Variants in PCDHGA2 observed in about 807,000 individuals in gnomAD.
PCDHGA2 encodes protocadherin gamma subfamily A, 2.
PCDHGA2 carries 40 observed loss-of-function variants against 59.2 expected under a neutral mutation model. The observed-to-expected ratio is 0.68, with a 90% CI of 0.52 to 0.88. The LOEUF (loss-of-function observed/expected upper bound fraction) is 0.88. PCDHGA2 is among the 40% of genes least tolerant of loss of function. The pLI is 0.00. For missense variants in PCDHGA2, 1,226 were observed against 1,204.0 expected, an observed-to-expected ratio of 1.02 and a Z score of -0.27; for synonymous variants, 560 against 526.0, an observed-to-expected ratio of 1.06 and a Z score of -0.89.
At chr5:141,456,837 C>G (rs550771859) in intron 1 of PCDHGA2, among the ~76,000 whole-genome samples, 70 of 152,194 alleles carry the variant, frequency 4.6e-4, no homozygotes, top group Non-Finnish European at 8.2e-4. Context: ...GTAGTGGGCG[C>G]CTGTAATCCC....
At chr5:141,341,845 G>T in intron 1 of PCDHGA2, 1 of 185,208 alleles carries the variant, frequency 5.4e-6, no homozygotes, top group Non-Finnish European at 1.1e-5. Flanking sequence ...CATGTTAGTT[G>T]GCTAGTTCTT....
At chr5:141,459,737 A>T (rs2098974670) in intron 1 of PCDHGA2, among the ~76,000 whole-genome samples, 1 of 152,176 alleles carries the variant, frequency 6.6e-6, no homozygotes, top group African/African-American at 2.4e-5. Flanking sequence ...CAATTTTTTA[A>T]ATTTTAGCAA....
At position 141,428,093 on chromosome 5, in the gene PCDHGA2, C is replaced by T. The variant is rs577985465; in HGVS notation, c.2425-66714C>T. On this transcript the variant is annotated intron_variant, in intron 1 of 3. Transcript: ENST00000394576. ...ATTCGGGACACAACGCTTGGCTGTC[C>T]TACCACGTGCTGCAGGCCATCGAGC... 2.4e-4 allele frequency: 380 copies of T among 1,608,880 alleles called. 2 individuals are homozygous for T. The South Asian group carries it at 4.0e-3, about 17-fold the overall frequency.
chr5:141,390,183 T>C (rs532412915), intron 1 of PCDHGA2: 2 of 1,614,034 alleles, frequency 1.2e-6, no homozygotes, highest in Admixed American at 1.7e-5. Context: ...TTTCCTAAAA[T>C]GTAGTGAGCA....
chr5:141,345,506 G>C (rs1402758990), intron 1 of PCDHGA2: 1 of 1,614,108 alleles, frequency 6.2e-7, no homozygotes. Flanking sequence ...CTTATGCATT[G>C]ACCGAGGACA....
intron 1 of PCDHGA2, chr5:141,405,119 C>A: frequency 1.2e-6 from 2 of 1,614,024 alleles, no homozygotes; most frequent in South Asian, 1.1e-5. Context: ...GCACTCCTCG[C>A]ATCTGCTGCG....
chr5:141,357,682 G>T, intron 1 of PCDHGA2: 1 of 1,578,696 alleles, frequency 6.3e-7, no homozygotes, highest in Non-Finnish European at 8.6e-7. Context: ...TTGTGTAAAT[G>T]TCTCTCATTT....
chr5:141,401,712 A>G (rs987480271), intron 1 of PCDHGA2, among the ~76,000 whole-genome samples: 1 of 152,226 alleles, frequency 6.6e-6, no homozygotes, highest in Non-Finnish European at 1.5e-5. Flanking sequence ...TCCATTTTTA[A>G]GACAAAAACT....
In PCDHGA2 at chr5:141,477,028, G is replaced by A. The variant is rs1015508317; in HGVS notation, c.2425-17779G>A. On this transcript the variant is annotated intron_variant, in intron 1 of 3. Coordinates refer to ENST00000394576, the MANE Select transcript of PCDHGA2 (RefSeq NM_018915.4). The surrounding 1 kb of genome is among the most constrained non-coding windows in gnomAD (Gnocchi z 4.9). ...CCTTAGACCTTGTAACCGGGATGCT[G>A]ACAATCAAGGGTCGGCTGGACTTCG... The A allele has an allele frequency of 2.5e-6, 4 of 1,614,146 alleles. No homozygotes were observed. The highest frequency in any genetic ancestry group is 1.7e-5 in the Admixed American group (1 of 60,018).
chr5:141,414,404 T>A, intron 1 of PCDHGA2: 1 of 1,613,886 alleles, frequency 6.2e-7, no homozygotes, highest in Non-Finnish European at 8.5e-7. Context: ...AGATTGGTGA[T>A]ACACAGAGCC....
chr5:141,489,904 C>T lies in PCDHGA2; in HGVS notation c.2425-4903C>T, dbSNP rs750411680. On this transcript the variant is annotated intron_variant, in intron 1 of 3. Transcript: ENST00000394576. This position sits in a 1 kb window ranked among gnomAD's most constrained non-coding sequence, Gnocchi z 4.5. ...TGCTGTGGATGGGGGGACCCCAGCC[C>T]GCTCAGGGACCACCCTTATCTCTGT... 1.6e-5 allele frequency: 26 copies of T among 1,614,092 alleles called. No homozygotes were observed. The highest frequency in any genetic ancestry group is 3.3e-5 in the Admixed American group (2 of 60,014).
chr5:141,433,878 T>C (rs774226497), intron 1 of PCDHGA2, among the ~76,000 whole-genome samples: 15 of 151,848 alleles, frequency 9.9e-5, no homozygotes, highest in Non-Finnish European at 1.5e-4. Flanking sequence ...GTTTCATCCA[T>C]TGATGACACT....
At chr5:141,356,906 C>A (rs768015584) in intron 1 of PCDHGA2, 2 of 1,614,228 alleles carry the variant, frequency 1.2e-6, no homozygotes, top group Non-Finnish European at 1.7e-6. Context: ...ACCTTCCCTA[C>A]TGATGGCTCC....
At chr5:141,403,060 T>G (rs2094346399) in intron 1 of PCDHGA2, 2 of 1,614,042 alleles carry the variant, frequency 1.2e-6, no homozygotes, top group Non-Finnish European at 8.5e-7. Flanking sequence ...ACTCAGTGCC[T>G]GAAGAGACAG....
At chr5:141,438,710 G>C (rs568772648) in intron 1 of PCDHGA2, among the ~76,000 whole-genome samples, 2 of 147,308 alleles carry the variant, frequency 1.4e-5, no homozygotes, top group South Asian at 4.3e-4. Context: ...ACCCAGGCTG[G>C]AGTGCAAGTG....
intron 1 of PCDHGA2, chr5:141,365,983 T>C (rs954488135): frequency 1.2e-6 from 2 of 1,614,234 alleles, no homozygotes; most frequent in South Asian, 2.2e-5. Flanking sequence ...TGAGCCTGTT[T>C]GTGCTGGACC....
intron 2 of PCDHGA2, among the ~76,000 whole-genome samples, chr5:141,497,219 A>G (rs974609491): frequency 6.7e-6 from 1 of 149,602 alleles, no homozygotes; most frequent in South Asian, 2.1e-4. Context: ...TGGGGGGGGG[A>G]AGATCAGAGA....
intron 1 of PCDHGA2, chr5:141,357,799 A>G: frequency 1.3e-6 from 1 of 798,378 alleles, no homozygotes; most frequent in Non-Finnish European, 1.9e-6. Context: ...CCACACAAAA[A>G]TGTTGTTTAT....
At chr5:141,394,324 A>G in intron 1 of PCDHGA2, 1 of 1,613,922 alleles carries the variant, frequency 6.2e-7, no homozygotes. Context: ...CTGTCCTCGT[A>G]TATCTCCATC....
Sources: allele counts gnomAD v4.1 joint callset (sites outside exome capture counted in the v4.1 genomes callset), GRCh38; gene constraint gnomAD v4.1.1; non-coding constraint Gnocchi (gnomAD v3.1); transcripts MANE v1.5; gene names NCBI Gene and HGNC (gene_info 2026-07-23, HGNC 2026-07-21).